The following TPRG1 variants were observed in gnomAD, a reference collection of about 807,000 sequenced individuals.
TPRG1 encodes tumor protein p63-regulated gene 1 protein.
TPRG1 carries 29 observed loss-of-function variants against 29.3 expected under a neutral mutation model. That is an observed-to-expected ratio of 0.99 (90% CI 0.74 to 1.35). The LOEUF (loss-of-function observed/expected upper bound fraction) is 1.35. Ranked by LOEUF, TPRG1 falls within the 40% of genes most tolerant of loss-of-function variation. The probability of loss-of-function intolerance (pLI) is 0.00; values close to 1 mark genes in which losing one functional copy is unlikely to be tolerated. For synonymous variants in TPRG1, 130 were observed against 116.8 expected (o/e 1.11, Z -0.73); for missense variants, 327 against 335.0 (o/e 0.98, Z 0.19).
intron 1 of TPRG1, among the ~76,000 whole-genome samples, chr3:189,201,205 T>C (rs1442194180): frequency 6.6e-6 from 1 of 152,228 alleles, no homozygotes; most frequent in African/African-American, 2.4e-5. Context: ...GCAGCTGCAA[T>C]GGACTAAGGC....
intron 4 of TPRG1, among the ~76,000 whole-genome samples, chr3:189,087,385 C>A (rs530756272): frequency 2.5e-4 from 38 of 151,014 alleles, no homozygotes; most frequent in Admixed American, 1.3e-3. Flanking sequence ...TGTTTGAGTT[C>A]TTTGTAGATT....
chr3:189,225,944 C>T (rs921761775), intron 3 of TPRG1, among the ~76,000 whole-genome samples: 14 of 151,636 alleles, frequency 9.2e-5, no homozygotes, highest in Admixed American at 8.5e-4. Flanking sequence ...GACAATCCAC[C>T]AAGAAGATAC....
At chr3:189,034,308 C>T (rs1435678483) in intron 4 of TPRG1, among the ~76,000 whole-genome samples, 2 of 152,170 alleles carry the variant, frequency 1.3e-5, no homozygotes, top group Non-Finnish European at 2.9e-5. Context: ...ACAAGATCCA[C>T]ACTTATGTTA....
At chr3:189,020,446 G>T (rs550934176) in intron 3 of TPRG1, among the ~76,000 whole-genome samples, 3 of 151,300 alleles carry the variant, frequency 2.0e-5, no homozygotes, top group East Asian at 3.9e-4. Flanking sequence ...GTTCTCGTTG[G>T]TTTCAAAGAA....
chr3:189,184,481 A>G (rs769779847), intron 1 of TPRG1, among the ~76,000 whole-genome samples: 8 of 152,248 alleles, frequency 5.3e-5, no homozygotes, highest in Non-Finnish European at 1.2e-4. Flanking sequence ...GCAAGTATAT[A>G]CAGAAAAATT....
intron 3 of TPRG1, among the ~76,000 whole-genome samples, chr3:189,010,853 T>C (rs113006330): frequency 8.9e-4 from 136 of 152,336 alleles, no homozygotes; most frequent in African/African-American, 3.2e-3. Context: ...ATGTCTTGAA[T>C]GGTATTACTA....
chr3:189,018,998 G>T (rs899739740), intron 3 of TPRG1, among the ~76,000 whole-genome samples: 44 of 152,162 alleles, frequency 2.9e-4, no homozygotes, highest in Admixed American at 2.6e-3. Flanking sequence ...AAGCAATTGT[G>T]AATGGGAGTT....
At chr3:189,270,823 T>C (rs776665258) in intron 4 of TPRG1, among the ~76,000 whole-genome samples, 1 of 152,184 alleles carries the variant, frequency 6.6e-6, no homozygotes, top group Non-Finnish European at 1.5e-5. Flanking sequence ...GCCAGTGCTT[T>C]ACCTGAGATG....
At chr3:189,182,562 G>A (rs1448746795) in intron 1 of TPRG1, among the ~76,000 whole-genome samples, 1 of 152,078 alleles carries the variant, frequency 6.6e-6, no homozygotes, top group South Asian at 2.1e-4. Context: ...GAGGAATTTG[G>A]CCATGTATAC....
intron 4 of TPRG1, among the ~76,000 whole-genome samples, chr3:189,289,603 A>T (rs529025888): frequency 6.6e-6 from 1 of 152,286 alleles, no homozygotes; most frequent in Non-Finnish European, 1.5e-5. Flanking sequence ...GGGGATGATG[A>T]TAGTTTTTAC....
At chr3:189,071,303 C>G (rs1716799941) in intron 4 of TPRG1, among the ~76,000 whole-genome samples, 1 of 152,102 alleles carries the variant, frequency 6.6e-6, no homozygotes, top group African/African-American at 2.4e-5. Flanking sequence ...AATAAATTTC[C>G]TTTTTCCTTA....
At chr3:189,112,573 C>A (rs1055345787) in intron 1 of TPRG1, among the ~76,000 whole-genome samples, 3 of 152,130 alleles carry the variant, frequency 2.0e-5, no homozygotes, top group Admixed American at 2.0e-4. Flanking sequence ...GGAAGGGATC[C>A]AGTTTCAGCT....
chr3:189,128,389 A>T (rs529200878), intron 2 of TPRG1, among the ~76,000 whole-genome samples: 10 of 152,312 alleles, frequency 6.6e-5, no homozygotes, highest in African/African-American at 2.4e-4. Context: ...CAGATTTAGG[A>T]AATAAAAATA....
At chr3:189,011,005 A>G (rs922264195) in intron 3 of TPRG1, among the ~76,000 whole-genome samples, 2 of 152,168 alleles carry the variant, frequency 1.3e-5, no homozygotes, top group African/African-American at 4.8e-5. Flanking sequence ...TCCCAGCACC[A>G]TTTATTGAAC....
intron 3 of TPRG1, among the ~76,000 whole-genome samples, chr3:189,224,819 G>A (rs1737463062): frequency 1.3e-5 from 2 of 152,210 alleles, no homozygotes; most frequent in South Asian, 4.2e-4. Flanking sequence ...CATTGCCACT[G>A]CCCACTGCCT....
intron 4 of TPRG1, among the ~76,000 whole-genome samples, chr3:189,270,856 G>A (rs531654000): frequency 1.3e-4 from 20 of 152,028 alleles, no homozygotes; most frequent in Non-Finnish European, 2.1e-4. Flanking sequence ...GTATGACATT[G>A]AAACATGTTT....
chr3:189,055,841 A>G (rs1168958896), intron 4 of TPRG1, among the ~76,000 whole-genome samples: 1 of 152,116 alleles, frequency 6.6e-6, no homozygotes, highest in Non-Finnish European at 1.5e-5. Context: ...TACTACACCC[A>G]TTATGATCTG....
chr3:189,142,142 C>T (rs541579271), intron 3 of TPRG1, among the ~76,000 whole-genome samples: 13 of 152,242 alleles, frequency 8.5e-5, no homozygotes, highest in Admixed American at 5.9e-4. Flanking sequence ...CAGGTCATTT[C>T]GGGCAGGACG....
At chr3:189,049,436 A>G (rs555970263) in intron 4 of TPRG1, among the ~76,000 whole-genome samples, 1 of 152,084 alleles carries the variant, frequency 6.6e-6, no homozygotes, top group Non-Finnish European at 1.5e-5. Context: ...CCTCCTAGGT[A>G]CACAACTCCA....
Sources: allele counts gnomAD v4.1 joint callset (sites outside exome capture counted in the v4.1 genomes callset), GRCh38; gene constraint gnomAD v4.1.1; transcripts MANE v1.5; gene names NCBI Gene and HGNC (gene_info 2026-07-23, HGNC 2026-07-21).